Variants in PRKG1 observed in about 807,000 individuals in gnomAD.
PRKG1 encodes the protein protein kinase cGMP-dependent 1.
PRKG1 carries 35 observed loss-of-function variants against 88.1 expected under a neutral mutation model. The observed-to-expected ratio is 0.40, with a 90% CI of 0.30 to 0.53. The LOEUF (loss-of-function observed/expected upper bound fraction) is 0.53, where lower values mean the gene tolerates loss of function less well. Among genes scored for constraint, PRKG1 ranks in the 20% least tolerant of loss-of-function variants. The probability of loss-of-function intolerance (pLI) is 0.59; values close to 1 mark genes in which losing one functional copy is unlikely to be tolerated. For missense variants in PRKG1, 540 were observed against 839.8 expected, an observed-to-expected ratio of 0.64 and a Z score of 4.41; for synonymous variants, 303 against 292.5, an observed-to-expected ratio of 1.04 and a Z score of -0.37.
chr10:51,165,920 G>A (rs555141470), intron 2 of PRKG1, among the ~76,000 whole-genome samples: 1 of 151,916 alleles, frequency 6.6e-6, no homozygotes, highest in Admixed American at 6.5e-5. Context: ...TTCCTACAGA[G>A]TTTAATTAAT....
chr10:51,492,520 A>G (rs891099695), intron 3 of PRKG1, among the ~76,000 whole-genome samples: 4 of 152,162 alleles, frequency 2.6e-5, no homozygotes, highest in Non-Finnish European at 4.4e-5. Flanking sequence ...CCAGTTAATC[A>G]GAAAGCAGGC....
At chr10:52,117,051 A>T (rs918293019) in intron 7 of PRKG1, among the ~76,000 whole-genome samples, 28 of 152,108 alleles carry the variant, frequency 1.8e-4, no homozygotes, top group Admixed American at 1.8e-3. Flanking sequence ...CTGAATCATT[A>T]TGAAGAGAAA....
intron 6 of PRKG1, among the ~76,000 whole-genome samples, chr10:52,060,249 G>C (rs1846206613): frequency 6.6e-6 from 1 of 151,766 alleles, no homozygotes; most frequent in African/African-American, 2.4e-5. Flanking sequence ...ATACATAATG[G>C]CAGTTTCAGA....
chr10:51,477,807 G>A (rs926469708), intron 3 of PRKG1, among the ~76,000 whole-genome samples: 2 of 151,878 alleles, frequency 1.3e-5, no homozygotes, highest in African/African-American at 4.8e-5. Context: ...AAGAAAAAAG[G>A]GCCACGATCC....
At chr10:52,154,126 G>C (rs1342082804) in intron 8 of PRKG1, among the ~76,000 whole-genome samples, 1 of 152,080 alleles carries the variant, frequency 6.6e-6, no homozygotes, top group East Asian at 1.9e-4. Context: ...TCTATCAATT[G>C]CTCCTGTAAA....
At chr10:51,047,994 A>C (rs1190290863) in intron 1 of PRKG1, among the ~76,000 whole-genome samples, 2 of 152,140 alleles carry the variant, frequency 1.3e-5, no homozygotes, top group Non-Finnish European at 2.9e-5. Flanking sequence ...GATGAAAGAG[A>C]GTTCTCTAGA....
At chr10:52,168,993 G>A (rs1838578634) in intron 9 of PRKG1, among the ~76,000 whole-genome samples, 1 of 152,152 alleles carries the variant, frequency 6.6e-6, no homozygotes, top group Admixed American at 6.5e-5. Flanking sequence ...ATCAGTTTGA[G>A]AATAACGAAC....
rs1842712529 is a variant in PRKG1, at chr10:51,932,360, G to T, written c.762+24790G>T. Among the ~76,000 whole-genome samples the T allele has an allele frequency of 2.0e-5, 3 of 151,910 alleles. No homozygotes were observed. The South Asian group carries it at 6.2e-4, about 32-fold the overall frequency. Reference sequence around the variant, plus strand: ...CCCCAAATGTCCTTTAATAATAACAGCTTCCATTTATTAAATTATCTTTAT... The same window carrying T: ...CCCCAAATGTCCTTTAATAATAACATCTTCCATTTATTAAATTATCTTTAT... On this transcript the variant is annotated intron_variant, in intron 5 of 17. Coordinates refer to ENST00000373980, the MANE Select transcript of PRKG1 (RefSeq NM_006258.4).
At chr10:51,790,446 G>A (rs1030278267) in intron 3 of PRKG1, among the ~76,000 whole-genome samples, 4 of 152,056 alleles carry the variant, frequency 2.6e-5, no homozygotes, top group African/African-American at 9.7e-5. Context: ...AGTTTCATGA[G>A]GCATGCATTA....
At chr10:51,613,422 T>C (rs1253050219) in intron 3 of PRKG1, among the ~76,000 whole-genome samples, 1 of 151,926 alleles carries the variant, frequency 6.6e-6, no homozygotes, top group Non-Finnish European at 1.5e-5. Flanking sequence ...TTGGTTGATC[T>C]AGCTAGTGGT....
intron 5 of PRKG1, among the ~76,000 whole-genome samples, chr10:52,040,431 T>C (rs997614009): frequency 1.3e-5 from 2 of 152,220 alleles, no homozygotes; most frequent in Non-Finnish European, 2.9e-5. Context: ...TAAATTTGAA[T>C]TATAGTTTAA....
intron 3 of PRKG1, among the ~76,000 whole-genome samples, chr10:51,605,574 T>C (rs528501748): frequency 6.6e-6 from 1 of 152,310 alleles, no homozygotes; most frequent in South Asian, 2.1e-4. Flanking sequence ...TTCCTCCCAT[T>C]CCAAGGAATG....
At chr10:52,209,462 A>G (rs532195577) in intron 9 of PRKG1, among the ~76,000 whole-genome samples, 6 of 152,172 alleles carry the variant, frequency 3.9e-5, no homozygotes, top group Non-Finnish European at 2.9e-5. Context: ...TCTATTACCA[A>G]TTCTTTCAAA....
At chr10:51,239,601 C>A (rs1839096937) in intron 2 of PRKG1, among the ~76,000 whole-genome samples, 1 of 152,168 alleles carries the variant, frequency 6.6e-6, no homozygotes, top group South Asian at 2.1e-4. Context: ...CTCGGCGCAC[C>A]CCCCTCAACA....
intron 8 of PRKG1, among the ~76,000 whole-genome samples, chr10:52,155,857 C>T (rs955447372): frequency 1.3e-5 from 2 of 151,868 alleles, no homozygotes; most frequent in African/African-American, 2.4e-5. Flanking sequence ...TTTATATGGA[C>T]ATATTAGACA....
chr10:52,288,351 T>C (rs552169084), intron 14 of PRKG1, among the ~76,000 whole-genome samples: 2 of 152,202 alleles, frequency 1.3e-5, no homozygotes, highest in African/African-American at 2.4e-5. Context: ...GGTAGTATCG[T>C]TGGTGTTCCT....
chr10:52,162,619 T>G (rs1036856628), intron 9 of PRKG1, among the ~76,000 whole-genome samples: 1 of 152,100 alleles, frequency 6.6e-6, no homozygotes, highest in African/African-American at 2.4e-5. Context: ...CCTAAAGGAT[T>G]AAATTGACAA....
At chr10:52,091,584 A>G (rs1847056872) in intron 7 of PRKG1, among the ~76,000 whole-genome samples, 1 of 152,230 alleles carries the variant, frequency 6.6e-6, no homozygotes, top group Admixed American at 6.5e-5. Flanking sequence ...AAATGGAGAT[A>G]AAAGTGTCCC....
intron 3 of PRKG1, among the ~76,000 whole-genome samples, chr10:51,627,147 G>A (rs1354654116): frequency 6.6e-6 from 1 of 152,228 alleles, no homozygotes; most frequent in South Asian, 2.1e-4. Context: ...TTTCAATTAA[G>A]CCTTGAAGAA....
Sources: gnomAD v4.1 joint callset for allele counts (sites outside exome capture counted in the v4.1 genomes callset) on GRCh38, gnomAD v4.1.1 for gene constraint, MANE v1.5 for transcripts, NCBI Gene and HGNC (gene_info 2026-07-23, HGNC 2026-07-21) for gene names.